Variants in EIF5B observed in about 807,000 individuals in gnomAD.
The protein encoded by EIF5B is eukaryotic translation initiation factor 5B.
Under a neutral mutation model 147.5 loss-of-function variants are expected in EIF5B, and 47 were observed. The observed-to-expected ratio is 0.32, with a 90% CI of 0.25 to 0.41. EIF5B has a LOEUF of 0.41. Among genes scored for constraint, EIF5B ranks in the 10% least tolerant of loss-of-function variants. The probability of loss-of-function intolerance (pLI) is 1.00; values close to 1 mark genes in which losing one functional copy is unlikely to be tolerated. For synonymous variants in EIF5B, 455 were observed against 456.2 expected (o/e 1.00, Z 0.03); for missense variants, 1,064 against 1,413.2 (o/e 0.75, Z 3.96).
Position 99,361,474 on chromosome 2 carries a change from TG to T in EIF5B, c.574del (p.Glu192AsnfsTer21). 6.2e-7 allele frequency: 1 copy of T among 1,613,980 alleles called. No homozygotes were observed. Among genetic ancestry groups the T allele is most frequent in the Non-Finnish European group, 8.5e-7 (1 of 1,179,992 alleles). On this transcript the variant is annotated frameshift_variant, in exon 4 of 24. Coordinates refer to ENST00000289371, the MANE Select transcript of EIF5B (RefSeq NM_015904.4). LOFTEE classifies it high-confidence loss of function. ...CTGGTGAAAGTGGTGATGAATCAGA[TG>T]AATTTTTGCAATCTAGAAAAGGACA... ...SSGESGDESD[E>X]FLQSRKGQKK... is the part of the protein sequence containing the mutation.
In EIF5B at chr2:99,389,528, A is replaced by G. The variant is rs564859977; in HGVS notation, c.2272-190A>G. ...GCTGACAGGGGCAGCATGGCACCAC[A>G]GCAGTTTCTAATTTAAGAGCAGGTG... On this transcript the variant is annotated intron_variant, in intron 14 of 23. Transcript: ENST00000289371. 4 of 387,948 alleles carry G rather than the reference A, an allele frequency of 1.0e-5. No homozygotes were observed. The South Asian group carries it at 3.4e-4, about 33-fold the overall frequency. The allele number at this position is 387,948 out of a possible 1,614,324, so 24.0% of individuals were successfully genotyped here. A position where few individuals can be genotyped will look rare whatever the true frequency, so the allele number is the denominator to read the frequency against.
chr2:99,378,337 T>G (rs1383645251), intron 10 of EIF5B, among the ~76,000 whole-genome samples: 1 of 152,216 alleles, frequency 6.6e-6, no homozygotes, highest in African/African-American at 2.4e-5. Flanking sequence ...GAAAACCTAT[T>G]GCTGGCATGT....
In EIF5B at chr2:99,389,760, G is replaced by A. The variant is rs1239558861; in HGVS notation, c.2314G>A (p.Val772Met). ...TTGGAAAAAGAGTCCTGACTCTGAT[G>A]TGGCTGCTACTTTAAAGAAGCAGAA... The part of the protein sequence containing the change: ...YDWKKSPDSD[V>M]AATLKKQKKN... The change falls in exon 15 of 24, where the codon GTG becomes ATG. Residue 772 changes from valine (V) to methionine (M), a missense_variant. Transcript: ENST00000289371. The A allele has an allele frequency of 1.2e-6, 2 of 1,612,954 alleles. No homozygotes were observed. The highest frequency in any genetic ancestry group is 3.3e-5 in the Admixed American group (2 of 59,882).
chr2:99,352,927 A>G (rs1464224107), intron 1 of EIF5B, among the ~76,000 whole-genome samples: 2 of 150,004 alleles, frequency 1.3e-5, no homozygotes, highest in Non-Finnish European at 3.0e-5. Context: ...TGGGCTGTCA[A>G]TCCTCTCACC....
chr2:99,370,032 G>A (rs1674412496), intron 8 of EIF5B, among the ~76,000 whole-genome samples: 1 of 152,098 alleles, frequency 6.6e-6, no homozygotes, highest in South Asian at 2.1e-4. Context: ...TTTCTCTGAT[G>A]CTTTTATTTA....
chr2:99,391,625 C>A (rs1016933027), intron 17 of EIF5B, among the ~76,000 whole-genome samples: 1 of 151,978 alleles, frequency 6.6e-6, no homozygotes, highest in African/African-American at 2.4e-5. Flanking sequence ...AACAAATATC[C>A]TTGCTTTGCT....
intron 1 of EIF5B, 135 bp downstream of exon 1, chr2:99,337,724 G>A: frequency 8.4e-7 from 1 of 1,186,996 alleles, no homozygotes; most frequent in Non-Finnish European, 1.1e-6. Flanking sequence ...GGCCCAGAGT[G>A]TGCGGAGCGG....
chr2:99,379,447 A>AT lies in EIF5B; in HGVS notation c.2061+20dup. 6.4e-7 allele frequency: 1 copy of AT among 1,567,610 alleles called. No individual in the cohort carries two copies. The highest frequency in any genetic ancestry group is 8.7e-7 in the Non-Finnish European group (1 of 1,147,420). On this transcript the variant is annotated intron_variant, in intron 12 of 23. Transcript: ENST00000289371. ...TAAAAATGTAAGTACATTGTATTTC[A>AT]TGTATTTTAATCTCTGACAAAAATT...
At chr2:99,389,158 A>C (rs984867819) in intron 14 of EIF5B, among the ~76,000 whole-genome samples, 1 of 152,078 alleles carries the variant, frequency 6.6e-6, no homozygotes, top group Non-Finnish European at 1.5e-5. Context: ...CTGTCCCCAG[A>C]CAGATTATGC....
At chr2:99,346,053 G>A (rs2105335990) in intron 1 of EIF5B, among the ~76,000 whole-genome samples, 1 of 152,294 alleles carries the variant, frequency 6.6e-6, no homozygotes, top group South Asian at 2.1e-4. Context: ...ATAATACAGA[G>A]TGAAGTGCTG....
At chr2:99,366,784 A>G (rs1399547163) in intron 6 of EIF5B, among the ~76,000 whole-genome samples, 1 of 152,228 alleles carries the variant, frequency 6.6e-6, no homozygotes, top group East Asian at 1.9e-4. Context: ...TGGCCAAAAT[A>G]TGTTTGAAAA....
chr2:99,391,625 C>T (rs1016933027), intron 17 of EIF5B, among the ~76,000 whole-genome samples: 1 of 151,978 alleles, frequency 6.6e-6, no homozygotes, highest in African/African-American at 2.4e-5. Context: ...AACAAATATC[C>T]TTGCTTTGCT....
intron 23 of EIF5B, 197 bp downstream of exon 23, chr2:99,399,106 A>G (rs1675137653): frequency 1.3e-6 from 1 of 798,886 alleles, no homozygotes; most frequent in South Asian, 1.9e-5. Flanking sequence ...CCAACAGAGA[A>G]AGCTAGGACT....
Position 99,361,740 on chromosome 2 carries a change from CTG to C in EIF5B, c.841_842del (p.Val281LysfsTer7). 6.3e-7 allele frequency: 1 copy of C among 1,593,234 alleles called. No individual in the cohort carries two copies. Among genetic ancestry groups the C allele is most frequent in the Non-Finnish European group, 8.5e-7 (1 of 1,175,122 alleles). ...TCTCAAAGGAAATTTGAAGAAGAAA[CTG>C]TAAAATCCAAAGTGACTGTTGATAC... On this transcript the variant is annotated frameshift_variant, in exon 4 of 24. Transcript: ENST00000289371. LOFTEE classifies it high-confidence loss of function.
At chr2:99,347,461 AT>A (rs920254177) in intron 1 of EIF5B, among the ~76,000 whole-genome samples, 9 of 151,054 alleles carry the variant, frequency 6.0e-5, no homozygotes, top group Non-Finnish European at 1.2e-4. Flanking sequence ...GGAGATTTTG[AT>A]TCAGTAGATC....
chr2:99,352,932 C>T (rs1674005253), intron 1 of EIF5B, among the ~76,000 whole-genome samples: 1 of 150,350 alleles, frequency 6.7e-6, no homozygotes, highest in African/African-American at 2.4e-5. Flanking sequence ...TGTCAATCCT[C>T]TCACCCTAGC....
Position 99,361,375 on chromosome 2 carries a change from TAAG to T in EIF5B, c.478_480del (p.Lys160del), listed in dbSNP as rs775348102. The T allele has an allele frequency of 6.2e-6, 10 of 1,611,040 alleles. No individual in the cohort carries two copies. In the South Asian group the frequency reaches 6.7e-5, roughly 11 times the overall value. The stretch of plus-strand genomic sequence containing the variant: ...CTAAAGGGAAAGCTCAAAAATCAAA[TAAG>T]AAGTGGGATGGGTCAGAGGAGGATG... On this transcript the variant is annotated inframe_deletion, in exon 4 of 24. Transcript: ENST00000289371.
chr2:99,388,383 C>CTCAT (rs1299775584), intron 14 of EIF5B, among the ~76,000 whole-genome samples: 1 of 152,082 alleles, frequency 6.6e-6, no homozygotes, highest in African/African-American at 2.4e-5. Context: ...AGGGAAAGTG[C>CTCAT]TCAGTCTTTC....
intron 9 of EIF5B, among the ~76,000 whole-genome samples, chr2:99,375,141 T>A (rs1674535987): frequency 6.6e-6 from 1 of 152,256 alleles, no homozygotes; most frequent in African/African-American, 2.4e-5. Flanking sequence ...CACAGCCATT[T>A]TAAAATTTTG....
Sources: allele counts gnomAD v4.1 joint callset (sites outside exome capture counted in the v4.1 genomes callset), GRCh38; gene constraint gnomAD v4.1.1; transcripts MANE v1.5; gene names NCBI Gene and HGNC (gene_info 2026-07-23, HGNC 2026-07-21).